The following RFX6 variants were observed in gnomAD, a reference collection of about 807,000 sequenced individuals.
RFX6 encodes DNA-binding protein RFX6.
RFX6 carries 50 observed loss-of-function variants against 110.8 expected under a neutral mutation model. The observed-to-expected ratio is 0.45, with a 90% confidence interval of 0.36 to 0.57. The LOEUF (loss-of-function observed/expected upper bound fraction) is 0.57. Among genes scored for constraint, RFX6 ranks in the 20% least tolerant of loss-of-function variants. The probability of loss-of-function intolerance (pLI) is 0.00; values close to 1 mark genes in which losing one functional copy is unlikely to be tolerated. For missense variants in RFX6, 990 were observed against 1,127.0 expected, an observed-to-expected ratio of 0.88 and a Z score of 1.74; for synonymous variants, 383 against 411.2, an observed-to-expected ratio of 0.93 and a Z score of 0.83.
Position 116,916,287 on chromosome 6 carries a change from CTG to C in RFX6, c.949_950del (p.Val317LeufsTer2). 1 of 1,610,948 alleles carries C rather than the reference CTG, an allele frequency of 6.2e-7. No homozygotes were observed. Among genetic ancestry groups the C allele is most frequent in the Non-Finnish European group, 8.5e-7 (1 of 1,177,716 alleles). On this transcript the variant is annotated frameshift_variant, in exon 9 of 19. Transcript: ENST00000332958. LOFTEE classifies it high-confidence loss of function. ...AAAATCCTGTTATCATTGATATTTTCTGTGTTTGTGACTCAATTCTTTATAAG... is the reference window on the plus strand; with the variant it reads ...AAAATCCTGTTATCATTGATATTTTCTGTTTGTGACTCAATTCTTTATAAG... ...LENPVIIDIF[C>X]VCDSILYKVL...
intron 7 of RFX6, among the ~76,000 whole-genome samples, chr6:116,913,063 C>A (rs1404899800): frequency 2.0e-5 from 3 of 152,108 alleles, no homozygotes; most frequent in South Asian, 2.1e-4. Context: ...AAGGTACCTG[C>A]TTCTTTTTCT....
chr6:116,880,158 C>T (rs1193760972), intron 2 of RFX6, among the ~76,000 whole-genome samples: 1 of 151,960 alleles, frequency 6.6e-6, no homozygotes, highest in Non-Finnish European at 1.5e-5. Flanking sequence ...CAACCTGAAG[C>T]TTGACAGCCC....
chr6:116,911,462 T>C (rs1469963451), intron 7 of RFX6, among the ~76,000 whole-genome samples: 2 of 152,208 alleles, frequency 1.3e-5, no homozygotes, highest in African/African-American at 4.8e-5. Flanking sequence ...GCTAGATGAA[T>C]GCAAGAACTA....
intron 7 of RFX6, among the ~76,000 whole-genome samples, chr6:116,914,276 G>T (rs1775417160): frequency 6.6e-6 from 1 of 152,070 alleles, no homozygotes; most frequent in Non-Finnish European, 1.5e-5. Context: ...TTTTATGGAT[G>T]AATAATATTC....
intron 6 of RFX6, among the ~76,000 whole-genome samples, chr6:116,910,494 G>C (rs1775327090): frequency 6.6e-6 from 1 of 152,120 alleles, no homozygotes; most frequent in East Asian, 1.9e-4. Flanking sequence ...TTACCTCTGA[G>C]ACTGAATAAA....
chr6:116,909,924 C>T (rs1250348065), intron 6 of RFX6, among the ~76,000 whole-genome samples: 7 of 151,380 alleles, frequency 4.6e-5, no homozygotes, highest in Admixed American at 1.3e-4. Context: ...ACTCCCAGTT[C>T]CCTTGGCTCT....
At position 116,927,519 on chromosome 6, in the gene RFX6, T is replaced by G. The variant is rs1775772993; in HGVS notation, c.2378T>G (p.Leu793Arg). 1 of 1,613,756 alleles carries G rather than the reference T, an allele frequency of 6.2e-7. No homozygotes were observed. Among genetic ancestry groups the G allele is most frequent in the Non-Finnish European group, 8.5e-7 (1 of 1,180,004 alleles). Reference sequence around the variant, plus strand: ...GCTGCCAGCTGCCAAGGAGCAACACTGCCTCCTAATTCACCAAATGGTATT... The same window carrying G: ...GCTGCCAGCTGCCAAGGAGCAACACGGCCTCCTAATTCACCAAATGGTATT... The part of the protein sequence containing the change: ...TGAASCQGAT[L>R]PPNSPNGYYG... The change falls in exon 17 of 19, where the codon CTG (leucine) becomes CGG (arginine). Residue 793 changes from leucine (L) to arginine (R), a missense_variant. Physicochemically the swap from Leu to Arg is moderately radical, Grantham distance 102. This residue lies in a region of RFX6 where 438 missense variants were observed against 441.9 expected (regional missense o/e 0.99). Transcript: ENST00000332958.
chr6:116,884,100 T>G (rs983336730), intron 4 of RFX6, among the ~76,000 whole-genome samples: 2 of 152,164 alleles, frequency 1.3e-5, no homozygotes, highest in Non-Finnish European at 2.9e-5. Context: ...GTCTTCTGTT[T>G]AAGTTTATGC....
In RFX6 at chr6:116,920,296, C is replaced by T. The variant is rs372540409; in HGVS notation, c.1183-14C>T. ...ATGATATAGTGTAGTGTCTTCTTTA[C>T]TTTCTCTATGCAGATTGCCAGACCA... On this transcript the variant is annotated splice_polypyrimidine_tract_variant and intron_variant, in intron 11 of 18. Coordinates refer to ENST00000332958, the MANE Select transcript of RFX6 (RefSeq NM_173560.4). 46 of 1,604,508 alleles carry T rather than the reference C, an allele frequency of 2.9e-5. No individual in the cohort carries two copies. Among genetic ancestry groups the T allele is most frequent in the South Asian group, 4.4e-5 (4 of 90,876 alleles).
chr6:116,893,925 C>T, intron 4 of RFX6, 62 bp from the exon 5 acceptor site: 8 of 936,396 alleles, frequency 8.5e-6, no homozygotes, highest in Non-Finnish European at 1.4e-5. Flanking sequence ...ATACCTTAGT[C>T]TCTTTTTCCC....
chr6:116,880,351 C>A (rs1774562317), intron 2 of RFX6, among the ~76,000 whole-genome samples, 193 bp from the exon 3 acceptor site: 1 of 151,992 alleles, frequency 6.6e-6, no homozygotes, highest in Non-Finnish European at 1.5e-5. Context: ...AGATTTTTCA[C>A]TGGGGTTTTG....
intron 2 of RFX6, among the ~76,000 whole-genome samples, chr6:116,878,483 T>A (rs753497560): frequency 6.6e-6 from 1 of 152,124 alleles, no homozygotes; most frequent in Non-Finnish European, 1.5e-5. Flanking sequence ...TCAACTATTT[T>A]TATACCATCT....
Position 116,894,070 on chromosome 6 carries a change from G to A in RFX6, c.644+6G>A. 1.4e-6 allele frequency: 2 copies of A among 1,476,540 alleles called. No homozygotes were observed. Among genetic ancestry groups the A allele is most frequent in the Non-Finnish European group, 1.9e-6 (2 of 1,054,604 alleles). 91.5% of individuals were successfully genotyped at this position (1,476,540 alleles called of 1,614,324 possible). A position where few individuals can be genotyped will look rare whatever the true frequency, so the allele number is the denominator to read the frequency against. Reference sequence around the variant, plus strand: ...TCTGGAAAGGGCTTGACAAGGTAGAGTTACACCATCTTCAAGACAAATTCT... The same window carrying A: ...TCTGGAAAGGGCTTGACAAGGTAGAATTACACCATCTTCAAGACAAATTCT... On this transcript the variant is annotated splice_donor_region_variant and intron_variant, in intron 5 of 18. Transcript: ENST00000332958.
In RFX6 at chr6:116,928,824, G is replaced by A. The variant is rs373007099; in HGVS notation, c.2464G>A (p.Val822Ile). ...HRLGSMVNQHVSVISSIRSLP... is the reference protein window; with the variant it reads ...HRLGSMVNQHISVISSIRSLP... Reference sequence around the variant, plus strand: ...GCTCGGATCAATGGTGAATCAGCACGTTTCTGTCATCAGCAGCATTCGTTC... The same window carrying A: ...GCTCGGATCAATGGTGAATCAGCACATTTCTGTCATCAGCAGCATTCGTTC... Residue 822 changes from valine (V) to isoleucine (I), a missense_variant, in exon 18 of 19, where the codon GTT (valine) becomes ATT (isoleucine). Transcript: ENST00000332958. 5.4e-5 allele frequency: 87 copies of A among 1,613,860 alleles called. No homozygotes were observed. Among genetic ancestry groups the A allele is most frequent in the African/African-American group, 3.7e-4 (28 of 74,888 alleles).
chr6:116,878,654 T>C (rs1413394921), intron 2 of RFX6, among the ~76,000 whole-genome samples: 2 of 151,856 alleles, frequency 1.3e-5, no homozygotes, highest in South Asian at 2.1e-4. Flanking sequence ...TATTAAACTT[T>C]CCTACGTAGT....
rs183355578 is a variant in RFX6 at position 116,916,228 on chromosome 6, C to A, written c.886C>A (p.Gln296Lys). The part of the protein sequence containing the change: ...EIQHFLLHFW[Q>K]GMPDHLLPLL... ...CCAGCATTTTTTATTACACTTTTGG[C>A]AAGGAATGCCTGACCATCTCCTTCC... Residue 296 changes from glutamine (Q) to lysine (K), a missense_variant, in exon 9 of 19, where the codon CAA (glutamine) becomes AAA (lysine). By Grantham distance (53) the Gln-to-Lys change is moderately conservative. Coordinates refer to ENST00000332958, the MANE Select transcript of RFX6 (RefSeq NM_173560.4). 2.5e-5 allele frequency: 40 copies of A among 1,612,168 alleles called. No individual in the cohort carries two copies. In the East Asian group the frequency reaches 7.8e-4, roughly 31 times the overall value.
chr6:116,913,617 A>G (rs780220223), intron 7 of RFX6, among the ~76,000 whole-genome samples: 2 of 152,218 alleles, frequency 1.3e-5, no homozygotes, highest in Non-Finnish European at 2.9e-5. Flanking sequence ...ATTAAAATTC[A>G]TTGCGCTAAG....
At chr6:116,882,841 A>G (rs1232390453) in intron 4 of RFX6, among the ~76,000 whole-genome samples, 1 of 152,072 alleles carries the variant, frequency 6.6e-6, no homozygotes, top group African/African-American at 2.4e-5. Context: ...TAATTTCTTG[A>G]TATCTCCTTC....
In RFX6 at chr6:116,923,205, G is replaced by C. The variant is rs1209949319; in HGVS notation, c.1536G>C (p.Leu512Phe). 3 of 1,537,734 alleles carry C rather than the reference G, an allele frequency of 2.0e-6. No homozygotes were observed. The highest frequency in any genetic ancestry group is 2.7e-6 in the Non-Finnish European group (3 of 1,110,756). ...CTCGAGTAATGCATAATCTCACCTT[G>C]AACAATGCATCCAGTTTTGGTAACA... The part of the protein sequence containing the change: ...FGARVMHNLT[L>F]NNASSFGSFH... Residue 512 changes from leucine to phenylalanine, a missense_variant, in exon 14 of 19, where the codon TTG (leucine) becomes TTC (phenylalanine). By Grantham distance (22) the Leu-to-Phe change is conservative (BLOSUM62 0). Coordinates refer to ENST00000332958, the MANE Select transcript of RFX6 (RefSeq NM_173560.4).
Sources: gnomAD v4.1 joint callset for allele counts (sites outside exome capture counted in the v4.1 genomes callset) on GRCh38, gnomAD v4.1.1 for gene constraint, gnomAD v4.1.1 regional missense constraint, MANE v1.5 for transcripts, NCBI Gene and HGNC (gene_info 2026-07-23, HGNC 2026-07-21) for gene names.